The following PRR16 variants were observed in gnomAD, a reference collection of about 807,000 sequenced individuals.
PRR16 encodes protein Largen.
A neutral mutation model predicts 18.2 loss-of-function variants in PRR16; 6 were observed. The observed-to-expected ratio is 0.33, with a 90% CI of 0.18 to 0.65. The LOEUF is 0.65. Ranked by LOEUF, PRR16 falls within the 30% of genes least tolerant of loss-of-function variation. The pLI, the probability that PRR16 is intolerant of heterozygous loss-of-function variation, is 0.74. For missense variants in PRR16, 412 were observed against 376.6 expected (o/e 1.09, Z -0.78); for synonymous variants, 151 against 147.8 (o/e 1.02, Z -0.16).
the PRR16 span, among the ~76,000 whole-genome samples, chr5:120,777,976 T>TTTAA: frequency 6.6e-6 from 1 of 152,122 alleles, no homozygotes; most frequent in Admixed American, 6.6e-5. Flanking sequence ...AGTTATTATA[T>TTTAA]TTAATTCTGA....
intron 1 of PRR16, among the ~76,000 whole-genome samples, chr5:120,507,303 C>G (rs1750678012): frequency 6.6e-6 from 1 of 152,022 alleles, no homozygotes; most frequent in African/African-American, 2.4e-5. Context: ...AAAAATAAAA[C>G]AGACATGAAC....
At chr5:120,559,107 T>G (rs1444761726) in intron 1 of PRR16, among the ~76,000 whole-genome samples, 1 of 152,008 alleles carries the variant, frequency 6.6e-6, no homozygotes, top group African/African-American at 2.4e-5. Flanking sequence ...CCTCACTTTA[T>G]TGATTGTTTC....
the PRR16 span, among the ~76,000 whole-genome samples, chr5:120,740,564 T>C: frequency 6.6e-6 from 1 of 152,172 alleles, no homozygotes; most frequent in Non-Finnish European, 1.5e-5. Flanking sequence ...GCCTCTGTAT[T>C]CTGTTTCTTT....
intron 1 of PRR16, among the ~76,000 whole-genome samples, chr5:120,659,171 G>A (rs1338077972): frequency 6.6e-6 from 1 of 152,008 alleles, no homozygotes; most frequent in Non-Finnish European, 1.5e-5. Flanking sequence ...GTTCAAAGGT[G>A]AACCAATTTG....
In PRR16 at chr5:120,540,032, G is replaced by A. The variant is rs116617822; in HGVS notation, c.159+75387G>A. On this transcript the variant is annotated intron_variant, in intron 1 of 1. Transcript: ENST00000407149. ...AGAGGCTCATACCTGGGTAGAGCTT[G>A]CCACGTTTTGAGTTTATTTTGAAAC... Among the ~76,000 whole-genome samples, 1,267 of 152,244 alleles carry A rather than the reference G, an allele frequency of 8.3e-3. 8 individuals are homozygous for A. The highest frequency in any genetic ancestry group is 0.014 in the Middle Eastern group (4 of 294).
intron 1 of PRR16, among the ~76,000 whole-genome samples, chr5:120,602,394 AT>A (rs1325957934): frequency 3.3e-5 from 5 of 151,960 alleles, no homozygotes; most frequent in African/African-American, 1.2e-4. Context: ...AATACTACTG[AT>A]TTTTTTGTAC....
At chr5:120,678,747 C>T (rs1294900306) in intron 1 of PRR16, among the ~76,000 whole-genome samples, 1 of 152,084 alleles carries the variant, frequency 6.6e-6, no homozygotes, top group East Asian at 1.9e-4. Flanking sequence ...GATAATTTAA[C>T]TTCTTATTTT....
At chr5:120,589,547 G>A (rs573997722) in intron 1 of PRR16, among the ~76,000 whole-genome samples, 10 of 152,224 alleles carry the variant, frequency 6.6e-5, no homozygotes, top group African/African-American at 2.4e-4. Flanking sequence ...AGACTGGGAG[G>A]ATAAAAGAGG....
chr5:120,522,561 T>C (rs142176042), intron 1 of PRR16, among the ~76,000 whole-genome samples: 8,372 of 152,246 alleles, frequency 0.055, 344 homozygotes, highest in African/African-American at 0.11. Flanking sequence ...TCTTTGTAGA[T>C]TCTGGATATT....
rs114775002 is a variant in PRR16 at position 120,559,574 on chromosome 5, G to A, written c.159+94929G>A. Among the ~76,000 whole-genome samples, 458 of 151,956 alleles carry A rather than the reference G, an allele frequency of 3.0e-3. 2 individuals are homozygous for A. The highest frequency in any genetic ancestry group is 0.011 in the African/African-American group (441 of 41,512). ...TCACTATAACTCTGTGGTATAATCA[G>A]AAATAAGGTAATGTTTTTGGTAATT... On this transcript the variant is annotated intron_variant, in intron 1 of 1. Transcript: ENST00000407149.
In PRR16 at chr5:120,464,356, G is replaced by A. The variant is rs1056950154; in HGVS notation, c.-131G>A. ...GGCCGAGCGCGGAGCGCAGCCACTCGCCGCTGCCCAGGGAGCGCCCAAGAT... is the reference window on the plus strand; with the variant it reads ...GGCCGAGCGCGGAGCGCAGCCACTCACCGCTGCCCAGGGAGCGCCCAAGAT... On this transcript the variant is annotated 5_prime_UTR_variant, in exon 1 of 2. Coordinates refer to ENST00000407149, the MANE Select transcript of PRR16 (RefSeq NM_001300783.2). 83 of 1,026,966 alleles carry A rather than the reference G, an allele frequency of 8.1e-5. No individual in the cohort carries two copies. In the Middle Eastern group the frequency reaches 1.7e-3, roughly 21 times the overall value. 63.6% of individuals were successfully genotyped at this position (1,026,966 alleles called of 1,614,324 possible). A position where few individuals can be genotyped will look rare whatever the true frequency, so the allele number is the denominator to read the frequency against.
chr5:120,791,354 T>C, the PRR16 span, among the ~76,000 whole-genome samples: 1 of 152,106 alleles, frequency 6.6e-6, no homozygotes. Flanking sequence ...TCACTATGAC[T>C]TTCTTGTGAA....
At chr5:120,473,413 T>C (rs1490192508) in intron 1 of PRR16, among the ~76,000 whole-genome samples, 31 of 152,200 alleles carry the variant, frequency 2.0e-4, no homozygotes, top group Admixed American at 2.0e-3. Flanking sequence ...TCTGCTTTTT[T>C]TCAAATTGCT....
chr5:120,503,490 A>T (rs1750534267), intron 1 of PRR16, among the ~76,000 whole-genome samples: 1 of 152,092 alleles, frequency 6.6e-6, no homozygotes, highest in Non-Finnish European at 1.5e-5. Context: ...TAAATATGGA[A>T]TTTTTCTGAC....
chr5:120,764,403 A>C, the PRR16 span, among the ~76,000 whole-genome samples: 93 of 152,196 alleles, frequency 6.1e-4, no homozygotes, highest in African/African-American at 2.1e-3. Flanking sequence ...ATCCCTGGAT[A>C]AATCCCACTT....
the PRR16 span, among the ~76,000 whole-genome samples, chr5:120,700,705 C>G: frequency 5.5e-4 from 83 of 152,160 alleles, no homozygotes; most frequent in African/African-American, 1.8e-3. Flanking sequence ...GCAAGGGAAA[C>G]AGGCCCTTGA....
chr5:120,761,801 A>G, the PRR16 span, among the ~76,000 whole-genome samples: 1 of 152,060 alleles, frequency 6.6e-6, no homozygotes, highest in Non-Finnish European at 1.5e-5. Flanking sequence ...GCTATTGAAC[A>G]TTGGAATTTA....
the PRR16 span, among the ~76,000 whole-genome samples, chr5:120,718,091 A>G: frequency 6.6e-6 from 1 of 152,132 alleles, no homozygotes; most frequent in Non-Finnish European, 1.5e-5. Flanking sequence ...GTTCATATTG[A>G]GAGTGGAGGA....
intron 1 of PRR16, among the ~76,000 whole-genome samples, chr5:120,508,820 C>G (rs1250505437): frequency 1.3e-5 from 2 of 152,016 alleles, no homozygotes; most frequent in Non-Finnish European, 2.9e-5. Flanking sequence ...TTATCAACCA[C>G]TGAATATATT....
Sources: allele counts gnomAD v4.1 joint callset (sites outside exome capture counted in the v4.1 genomes callset), GRCh38; gene constraint gnomAD v4.1.1; transcripts MANE v1.5; gene names NCBI Gene and HGNC (gene_info 2026-07-23, HGNC 2026-07-21).